IFT74: variants seen among roughly 807,000 people sequenced by gnomAD.
IFT74 encodes intraflagellar transport protein 74 homolog.
Under a neutral mutation model 96.7 loss-of-function variants are expected in IFT74, and 92 were observed. The observed-to-expected ratio is 0.95, with a 90% CI of 0.80 to 1.13. IFT74 has a LOEUF of 1.13. Among genes scored for constraint, IFT74 ranks in the 50% most tolerant of loss-of-function variants. The probability of loss-of-function intolerance (pLI) is 0.00; values close to 1 mark genes in which losing one functional copy is unlikely to be tolerated. For synonymous variants in IFT74, 223 were observed against 213.2 expected (o/e 1.05, Z -0.40); for missense variants, 811 against 698.2 (o/e 1.16, Z -1.82).
At chr9:27,036,545 C>G (rs1199394153) in intron 13 of IFT74, 1 of 1,609,524 alleles carries the variant, frequency 6.2e-7, no homozygotes, top group Admixed American at 1.7e-5. Context: ...TATGCTGAAT[C>G]CATTTGAACT....
At chr9:26,999,469 G>C (rs1016830706) in intron 8 of IFT74, 3 of 456,842 alleles carry the variant, frequency 6.6e-6, no homozygotes, top group Non-Finnish European at 1.1e-5. Context: ...TGTCAAATTG[G>C]AATTTGGATA....
chr9:26,991,921 C>T (rs912416587), intron 8 of IFT74, among the ~76,000 whole-genome samples: 9 of 151,816 alleles, frequency 5.9e-5, no homozygotes, highest in African/African-American at 2.2e-4. Flanking sequence ...CCCAGCTACT[C>T]GGGAGACTGA....
chr9:26,999,006 T>G (rs1298240037), intron 8 of IFT74, among the ~76,000 whole-genome samples: 1 of 152,034 alleles, frequency 6.6e-6, no homozygotes, highest in Non-Finnish European at 1.5e-5. Flanking sequence ...AAGCAAGCAA[T>G]CAATCAATCA....
intron 9 of IFT74, among the ~76,000 whole-genome samples, chr9:27,011,228 G>GCGAGACTCT (rs1829053331): frequency 1.3e-5 from 2 of 152,090 alleles, no homozygotes; most frequent in African/African-American, 4.8e-5. Flanking sequence ...CTCCAGCCTG[G>GCGAGACTCT]GCAACAGAGC....
chr9:27,059,507 G>A (rs1820318851), intron 18 of IFT74, among the ~76,000 whole-genome samples: 1 of 152,168 alleles, frequency 6.6e-6, no homozygotes, highest in Admixed American at 6.5e-5. Context: ...CCACCTGTTT[G>A]TATGAAACAA....
At chr9:27,036,898 A>C (rs1479953949) in intron 13 of IFT74, 7 of 848,688 alleles carry the variant, frequency 8.2e-6, no homozygotes, top group Non-Finnish European at 9.9e-6. Flanking sequence ...GGCAAAAAAA[A>C]TTATTGCTGT....
At chr9:26,968,448 G>C (rs1826730371) in intron 2 of IFT74, among the ~76,000 whole-genome samples, 1 of 152,000 alleles carries the variant, frequency 6.6e-6, no homozygotes, top group African/African-American at 2.4e-5. Flanking sequence ...TTTTAGTAGA[G>C]ACTGGGTTTC....
chr9:27,025,454 A>G (rs1048830206), intron 12 of IFT74, among the ~76,000 whole-genome samples: 54 of 151,304 alleles, frequency 3.6e-4, no homozygotes, highest in African/African-American at 1.2e-3. Flanking sequence ...AAAAAAAAAA[A>G]AAAAAAAAAG....
At position 27,055,726 on chromosome 9, in the gene IFT74, A is replaced by G. The variant is rs1435500981; in HGVS notation, c.1451A>G (p.Tyr484Cys). ...IKQMTTDLEIYNDLPALKSSG... is the reference protein window; with the variant it reads ...IKQMTTDLEICNDLPALKSSG... Reference sequence around the variant, plus strand: ...CAAATGACAACTGATCTGGAGATATATAATGATTTGCCAGCTTTAAAATCA... The same window carrying G: ...CAAATGACAACTGATCTGGAGATATGTAATGATTTGCCAGCTTTAAAATCA... The change falls in exon 17 of 20, where the codon TAT becomes TGT. Residue 484 changes from tyrosine (Y) to cysteine (C), a missense_variant. Physicochemically the swap from Tyr to Cys is radical, Grantham distance 194. Transcript: ENST00000380062. 1.3e-6 allele frequency: 2 copies of G among 1,575,384 alleles called. No homozygotes were observed. The highest frequency in any genetic ancestry group is 1.4e-5 in the African/African-American group (1 of 72,604).
chr9:27,036,793 T>C, intron 13 of IFT74: 4 of 1,109,444 alleles, frequency 3.6e-6, no homozygotes, highest in Non-Finnish European at 3.3e-6. Context: ...TCTTAGATCT[T>C]TTGAAAAGTG....
rs930280089 is a variant in IFT74 at position 26,995,585 on chromosome 9, A to G, written c.587+5390A>G. ...GTCTTCAATAAATCCATCATCATCT[A>G]CCACAAATGAATGTAATTGTTCAAA... On this transcript the variant is annotated intron_variant, in intron 8 of 19. Transcript: ENST00000380062. The G allele has an allele frequency of 5.0e-6, 8 of 1,601,674 alleles. No homozygotes were observed. The highest frequency in any genetic ancestry group is 5.1e-6 in the Non-Finnish European group (6 of 1,169,014).
At chr9:26,954,276 G>A (rs1273227021), upstream of IFT74, among the ~76,000 whole-genome samples, 5 of 152,150 alleles carry the variant, frequency 3.3e-5, no homozygotes, top group Admixed American at 3.3e-4. Context: ...ACTTAAAACG[G>A]AATCACAAGT....
At chr9:26,947,625 T>TCACTG (rs1825787627) in intron 1 of IFT74, among the ~76,000 whole-genome samples, 1 of 152,228 alleles carries the variant, frequency 6.6e-6, no homozygotes, top group Non-Finnish European at 1.5e-5. Flanking sequence ...TAGGTCATCC[T>TCACTG]CACTGCTTTT....
chr9:27,047,194 A>T (rs79842839), intron 14 of IFT74, 80 bp from the exon 15 acceptor site: 33,038 of 789,604 alleles, frequency 0.042, 840 homozygotes, highest in Non-Finnish European at 0.048. Flanking sequence ...TCTAAAAAGC[A>T]CTCTTAAGAA....
intron 10 of IFT74, among the ~76,000 whole-genome samples, chr9:27,014,609 TA>T (rs894903766): frequency 1.2e-4 from 18 of 150,942 alleles, no homozygotes; most frequent in Admixed American, 3.3e-4. Context: ...TCTTTCTTTT[TA>T]AAAAAAAAAA....
chr9:26,996,433 G>C (rs1828160599), intron 8 of IFT74: 4 of 1,598,770 alleles, frequency 2.5e-6, no homozygotes, highest in Admixed American at 1.7e-5. Flanking sequence ...AGCCTTATGA[G>C]GTACTGTTTT....
intron 13 of IFT74, among the ~76,000 whole-genome samples, chr9:27,036,990 G>C (rs951826255): frequency 3.9e-5 from 6 of 151,966 alleles, no homozygotes; most frequent in African/African-American, 1.5e-4. Flanking sequence ...AGGCTGAGGC[G>C]GGTGAATTAC....
chr9:27,046,055 C>T (rs1234585211), intron 14 of IFT74, among the ~76,000 whole-genome samples: 2 of 152,094 alleles, frequency 1.3e-5, no homozygotes, highest in African/African-American at 2.4e-5. Flanking sequence ...AGAAGGTCAC[C>T]TAGCTCAGAT....
chr9:27,025,615 A>G (rs1829827780), intron 12 of IFT74, among the ~76,000 whole-genome samples: 1 of 152,164 alleles, frequency 6.6e-6, no homozygotes, highest in Non-Finnish European at 1.5e-5. Context: ...CCTATAAAGG[A>G]AAACCTATCA....
Sources: gnomAD v4.1 joint callset for allele counts (sites outside exome capture counted in the v4.1 genomes callset) on GRCh38, gnomAD v4.1.1 for gene constraint, MANE v1.5 for transcripts, NCBI Gene and HGNC (gene_info 2026-07-23, HGNC 2026-07-21) for gene names.